The following TCF12 variants were observed in gnomAD, a reference collection of about 807,000 sequenced individuals.
The protein encoded by TCF12 is transcription factor 12.
A neutral mutation model predicts 86.0 loss-of-function variants in TCF12; 45 were observed. That is an observed-to-expected ratio of 0.52 (90% confidence interval 0.41 to 0.67). The LOEUF (loss-of-function observed/expected upper bound fraction) is 0.67, where lower values mean the gene tolerates loss of function less well. Ranked by LOEUF, TCF12 falls within the 30% of genes least tolerant of loss-of-function variation. The pLI is 0.00. For missense variants in TCF12, 881 were observed against 859.9 expected (o/e 1.02, Z -0.31); for synonymous variants, 330 against 299.6 (o/e 1.10, Z -1.05).
chr15:57,286,358 A>G lies in TCF12; in HGVS notation c.*213A>G, dbSNP rs2061933509. 4.5e-6 allele frequency: 1 copy of G among 222,204 alleles called. No individual in the cohort carries two copies. The allele number at this position is 222,204 out of a possible 1,614,324, so 13.8% of individuals were successfully genotyped here. A position where few individuals can be genotyped will look rare whatever the true frequency, so the allele number is the denominator to read the frequency against. On this transcript the variant is annotated 3_prime_UTR_variant, in exon 21 of 21. Coordinates refer to ENST00000333725, the MANE Select transcript of TCF12 (RefSeq NM_207037.2). The stretch of plus-strand genomic sequence containing the variant: ...AGTGAAGATAGGAAGCTCATCAGAT[A>G]GAACATCAGCCCATGAGATGTTTGC...
At chr15:56,919,820 G>C in intron 1 of TCF12, 72 bp from the exon 2 acceptor site, 2 of 1,383,422 alleles carry the variant, frequency 1.4e-6, no homozygotes, top group Non-Finnish European at 2.0e-6. Context: ...ATCTTCCCCA[G>C]TACCTCTCTC....
chr15:56,918,230 C>A, upstream of TCF12: 1 of 456,296 alleles, frequency 2.2e-6, no homozygotes, highest in East Asian at 6.9e-5. Flanking sequence ...CCTTCAGTGT[C>A]CTGCGGCCTC....
intron 3 of TCF12, among the ~76,000 whole-genome samples, chr15:56,995,925 C>G (rs1404429704): frequency 2.6e-5 from 4 of 152,148 alleles, no homozygotes; most frequent in Non-Finnish European, 5.9e-5. Flanking sequence ...GTGGGTTTAT[C>G]ATGGATTACT....
intron 5 of TCF12, among the ~76,000 whole-genome samples, chr15:57,117,774 T>C (rs1423318414): frequency 1.3e-5 from 2 of 152,204 alleles, no homozygotes; most frequent in East Asian, 3.8e-4. Flanking sequence ...TTTAGAATCA[T>C]GCCATTATTA....
chr15:57,130,684 T>G (rs1358921668), intron 5 of TCF12, among the ~76,000 whole-genome samples: 2 of 152,158 alleles, frequency 1.3e-5, no homozygotes, highest in African/African-American at 4.8e-5. Context: ...AAGAGATTCT[T>G]TTTTTTCTGG....
chr15:57,037,344 G>A (rs1396789694), intron 3 of TCF12, among the ~76,000 whole-genome samples: 1 of 152,118 alleles, frequency 6.6e-6, no homozygotes, highest in Non-Finnish European at 1.5e-5. Flanking sequence ...GGGAGGCTGA[G>A]GCAGGAGAAT....
At chr15:57,004,769 T>C (rs958680462) in intron 3 of TCF12, among the ~76,000 whole-genome samples, 1 of 152,002 alleles carries the variant, frequency 6.6e-6, no homozygotes, top group African/African-American at 2.4e-5. Context: ...TTCATCCGTC[T>C]GGTCTCGAAC....
intron 3 of TCF12, among the ~76,000 whole-genome samples, chr15:57,035,007 G>T (rs1463605739): frequency 1.3e-5 from 2 of 152,108 alleles, no homozygotes; most frequent in African/African-American, 4.8e-5. Flanking sequence ...TCCTCAACAT[G>T]TAAGTTTCCA....
intron 5 of TCF12, among the ~76,000 whole-genome samples, chr15:57,100,155 A>G (rs1007950525): frequency 1.7e-4 from 26 of 152,190 alleles, no homozygotes; most frequent in Non-Finnish European, 3.7e-4. Context: ...AACCAAGTGA[A>G]CATGAACTCC....
chr15:57,207,436 C>T (rs1476327560), intron 8 of TCF12, among the ~76,000 whole-genome samples: 2 of 152,064 alleles, frequency 1.3e-5, no homozygotes, highest in Non-Finnish European at 2.9e-5. Flanking sequence ...TTTGGGAGGC[C>T]AAGGCAGGCG....
chr15:57,062,632 C>G (rs1213317367), intron 3 of TCF12, among the ~76,000 whole-genome samples: 2 of 152,050 alleles, frequency 1.3e-5, no homozygotes, highest in African/African-American at 4.8e-5. Flanking sequence ...TATAAAAGAG[C>G]CTTAGTAATC....
intron 3 of TCF12, among the ~76,000 whole-genome samples, chr15:56,959,214 A>G (rs1356744279): frequency 6.6e-6 from 1 of 152,212 alleles, no homozygotes; most frequent in African/African-American, 2.4e-5. Flanking sequence ...ATATTTAAAC[A>G]TTTACTATGA....
At chr15:57,101,608 C>G (rs2049759288) in intron 5 of TCF12, among the ~76,000 whole-genome samples, 1 of 152,220 alleles carries the variant, frequency 6.6e-6, no homozygotes, top group South Asian at 2.1e-4. Flanking sequence ...TGCACACACA[C>G]ACGTGCATAT....
At chr15:57,276,055 C>T (rs975053918) in intron 19 of TCF12, among the ~76,000 whole-genome samples, 1 of 152,204 alleles carries the variant, frequency 6.6e-6, no homozygotes, top group African/African-American at 2.4e-5. Context: ...GTACTCTCAG[C>T]GTTACTCAAG....
intron 3 of TCF12, among the ~76,000 whole-genome samples, chr15:56,946,868 G>C (rs1350462734): frequency 7.1e-6 from 1 of 140,732 alleles, no homozygotes; most frequent in African/African-American, 2.6e-5. Flanking sequence ...CATGATCTCA[G>C]CTCACTGCAA....
chr15:57,286,584 G>C lies in TCF12; in HGVS notation c.*439G>C, dbSNP rs2061940781. The C allele has an allele frequency of 4.4e-6, 2 of 456,034 alleles. No homozygotes were observed. Among genetic ancestry groups the C allele is most frequent in the African/African-American group, 4.0e-5 (2 of 50,042 alleles). 28.2% of individuals were successfully genotyped at this position (456,034 alleles called of 1,614,324 possible). On this transcript the variant is annotated 3_prime_UTR_variant, in exon 21 of 21. Coordinates refer to ENST00000333725, the MANE Select transcript of TCF12 (RefSeq NM_207037.2). Reference sequence around the variant, plus strand: ...AATGTGGAAAGCTGATCTACACTCAGCTGATGCCAGCATACATTAAAGCGG... The same window carrying C: ...AATGTGGAAAGCTGATCTACACTCACCTGATGCCAGCATACATTAAAGCGG...
At chr15:56,956,454 A>T (rs1293529454) in intron 3 of TCF12, among the ~76,000 whole-genome samples, 1 of 151,982 alleles carries the variant, frequency 6.6e-6, no homozygotes, top group Non-Finnish European at 1.5e-5. Context: ...TGTCATTTCC[A>T]TATAGTTAAT....
At chr15:57,134,966 A>T (rs2052414788) in intron 5 of TCF12, among the ~76,000 whole-genome samples, 1 of 150,696 alleles carries the variant, frequency 6.6e-6, no homozygotes. Context: ...TGTCATGGAT[A>T]TTAACTGAAA....
intron 16 of TCF12, among the ~76,000 whole-genome samples, chr15:57,259,640 G>A (rs1392994589): frequency 6.6e-6 from 1 of 152,194 alleles, no homozygotes; most frequent in Non-Finnish European, 1.5e-5. Context: ...CTGAAATGGA[G>A]CTCTTCATAA....
Sources: gnomAD v4.1 joint callset for allele counts (sites outside exome capture counted in the v4.1 genomes callset) on GRCh38, gnomAD v4.1.1 for gene constraint, MANE v1.5 for transcripts, NCBI Gene and HGNC (gene_info 2026-07-23, HGNC 2026-07-21) for gene names.